The following CHD1L variants were observed in gnomAD, a reference collection of about 807,000 sequenced individuals.
CHD1L encodes ATP-dependent chromatin remodeler CHD1L.
Under a neutral mutation model 115.9 loss-of-function variants are expected in CHD1L, and 118 were observed. The ratio of observed to expected loss-of-function variants is 1.02; its 90% CI spans 0.88 to 1.19. CHD1L has a LOEUF of 1.19. Ranked by LOEUF, CHD1L falls within the 50% of genes most tolerant of loss-of-function variation. The pLI is 0.00. For synonymous variants in CHD1L, 411 were observed against 387.1 expected, an observed-to-expected ratio of 1.06 and a Z score of -0.72; for missense variants, 1,179 against 1,065.3, an observed-to-expected ratio of 1.11 and a Z score of -1.49.
chr1:147,242,893 G>T, intron 1 of CHD1L, 63 bp downstream of exon 1: 1 of 1,241,274 alleles, frequency 8.1e-7, no homozygotes, highest in Non-Finnish European at 1.0e-6. Context: ...CCTCTTGCGG[G>T]CCGGGGGCGC....
intron 1 of CHD1L, among the ~76,000 whole-genome samples, chr1:147,243,677 G>C (rs1665656847): frequency 6.6e-6 from 1 of 152,110 alleles, no homozygotes; most frequent in South Asian, 2.1e-4. Flanking sequence ...TGACTGTATT[G>C]ACAGAATCAT....
chr1:147,259,604 G>T, intron 5 of CHD1L: 1 of 384,278 alleles, frequency 2.6e-6, no homozygotes, highest in Non-Finnish European at 4.7e-6. Flanking sequence ...CTTCCTTTCT[G>T]CATAGGTCTT....
At chr1:147,238,566 C>T (rs1553930228), upstream of CHD1L, among the ~76,000 whole-genome samples, 1 of 152,138 alleles carries the variant, frequency 6.6e-6, no homozygotes, top group Non-Finnish European at 1.5e-5. Flanking sequence ...GATTGTATAA[C>T]CTGAACAATG....
chr1:147,228,515 G>C, the CHD1L span, among the ~76,000 whole-genome samples: 1 of 152,166 alleles, frequency 6.6e-6, no homozygotes, highest in Admixed American at 6.5e-5. Flanking sequence ...AATCCTTTGG[G>C]TATATACCCA....
the CHD1L span, chr1:147,213,355 C>T: frequency 3.1e-6 from 5 of 1,613,270 alleles, no homozygotes; most frequent in African/African-American, 5.3e-5. Context: ...ATGGCCAGTG[C>T]AAACCATGAC....
intron 1 of CHD1L, among the ~76,000 whole-genome samples, chr1:147,249,426 A>C (rs1553935246): frequency 3.0e-4 from 1 of 3,378 alleles, no homozygotes; most frequent in Non-Finnish European, 8.9e-4. Flanking sequence ...TTTTTTTTTG[A>C]GATAGAGTCT....
chr1:147,266,146 A>T, intron 8 of CHD1L, 59 bp downstream of exon 8: 1 of 1,466,926 alleles, frequency 6.8e-7, no homozygotes, highest in Non-Finnish European at 9.3e-7. Flanking sequence ...TCAGGTAGTA[A>T]AATATTTTAT....
intron 16 of CHD1L, 90 bp from the exon 17 acceptor site, chr1:147,285,232 AGC>A (rs1553964526): frequency 7.2e-7 from 1 of 1,379,326 alleles, no homozygotes; most frequent in African/African-American, 1.5e-5. Flanking sequence ...TGGAATATTA[AGC>A]ATGTTGCTTC....
At chr1:147,223,560 A>AGGAAAGAAGGCTAAG in the CHD1L span, 1 of 153,866 alleles carries the variant, frequency 6.5e-6, no homozygotes, top group Admixed American at 6.5e-5. Context: ...AGATGCCAAT[A>AGGAAAGAAGGCTAAG]GGAAAGAAGG....
chr1:147,280,508 G>A (rs1454076361), intron 15 of CHD1L, among the ~76,000 whole-genome samples: 1 of 152,128 alleles, frequency 6.6e-6, no homozygotes, highest in Non-Finnish European at 1.5e-5. Context: ...TATTAGTAAA[G>A]CCTACCATCC....
chr1:147,214,596 A>T, the CHD1L span, among the ~76,000 whole-genome samples: 3 of 152,022 alleles, frequency 2.0e-5, no homozygotes, highest in African/African-American at 7.2e-5. Context: ...CTTATTTGGT[A>T]GACTCCTACT....
chr1:147,276,832 A>G (rs1490608363), intron 14 of CHD1L, among the ~76,000 whole-genome samples: 1 of 152,224 alleles, frequency 6.6e-6, no homozygotes, highest in African/African-American at 2.4e-5. Context: ...TTGGGTTAAA[A>G]TTAAAACTCA....
At chr1:147,282,701 T>G (rs781812693) in intron 15 of CHD1L, among the ~76,000 whole-genome samples, 1 of 152,230 alleles carries the variant, frequency 6.6e-6, no homozygotes, top group Non-Finnish European at 1.5e-5. Context: ...AGCAACACAC[T>G]CAGTTCTGTA....
intron 9 of CHD1L, 41 bp downstream of exon 9, chr1:147,267,559 T>C (rs1674437381): frequency 6.7e-7 from 1 of 1,501,408 alleles, no homozygotes; most frequent in Non-Finnish European, 9.2e-7. Context: ...TCTTTGGTAA[T>C]GTTTCTGTGG....
At chr1:147,291,799 A>G (rs1192186866) in intron 20 of CHD1L, among the ~76,000 whole-genome samples, 1 of 152,080 alleles carries the variant, frequency 6.6e-6, no homozygotes, top group African/African-American at 2.4e-5. Flanking sequence ...TGGCTTGCAG[A>G]TGGCGGTCAT....
At chr1:147,180,901 G>A in the CHD1L span, among the ~76,000 whole-genome samples, 1 of 152,204 alleles carries the variant, frequency 6.6e-6, no homozygotes, top group African/African-American at 2.4e-5. Flanking sequence ...TAAGTCTGGA[G>A]TGGGGCCTGA....
intron 19 of CHD1L, among the ~76,000 whole-genome samples, chr1:147,290,129 CTG>C (rs1684931875): frequency 6.6e-6 from 1 of 152,158 alleles, no homozygotes; most frequent in South Asian, 2.1e-4. Flanking sequence ...GTCTCATTGT[CTG>C]GAGTGCAGTG....
At chr1:147,291,965 G>A (rs1053427020) in intron 20 of CHD1L, among the ~76,000 whole-genome samples, 17 of 151,916 alleles carry the variant, frequency 1.1e-4, no homozygotes, top group Non-Finnish European at 2.2e-4. Context: ...CATGAGGTAC[G>A]GGGGGTTGGG....
the CHD1L span, among the ~76,000 whole-genome samples, chr1:147,221,569 T>C: frequency 6.6e-6 from 1 of 152,222 alleles, no homozygotes; most frequent in South Asian, 2.1e-4. Context: ...ACTTCTGAAT[T>C]TCATTTCATT....
Sources: gnomAD v4.1 joint callset for allele counts (sites outside exome capture counted in the v4.1 genomes callset) on GRCh38, gnomAD v4.1.1 for gene constraint, MANE v1.5 for transcripts, NCBI Gene and HGNC (gene_info 2026-07-23, HGNC 2026-07-21) for gene names.